Variants in GLI3 observed in about 807,000 individuals in gnomAD.
GLI3 encodes the protein GLI family zinc finger 3.
GLI3 carries 20 observed loss-of-function variants against 100.8 expected under a neutral mutation model. That is an observed-to-expected ratio of 0.20 (90% CI 0.14 to 0.29). The LOEUF is 0.29. GLI3 is among the 10% of genes least tolerant of loss of function. The probability of loss-of-function intolerance (pLI) is 1.00; values close to 1 mark genes in which losing one functional copy is unlikely to be tolerated. For missense variants in GLI3, 2,040 were observed against 2,128.5 expected, an observed-to-expected ratio of 0.96 and a Z score of 0.82; for synonymous variants, 938 against 860.5, an observed-to-expected ratio of 1.09 and a Z score of -1.58.
rs1391634307 is a variant in GLI3, at chr7:41,961,299, A to C, written c.*3031T>G. 1 of 152,590 alleles carries C rather than the reference A, an allele frequency of 6.6e-6. No homozygotes were observed. The highest frequency in any genetic ancestry group is 1.5e-5 in the Non-Finnish European group (1 of 68,046). The allele number at this position is 152,590 out of a possible 1,614,324, so 9.5% of individuals were successfully genotyped here. On this transcript the variant is annotated 3_prime_UTR_variant, in exon 15 of 15. Transcript: ENST00000395925. Reference sequence around the variant, plus strand: ...CACAAGGGTAACTTGTCAGAAGAGAACATCCTCCTATCAGTTCAAAACAAC... The same window carrying C: ...CACAAGGGTAACTTGTCAGAAGAGACCATCCTCCTATCAGTTCAAAACAAC...
chr7:42,231,519 A>G (rs1362517790), intron 1 of GLI3, among the ~76,000 whole-genome samples: 1 of 152,134 alleles, frequency 6.6e-6, no homozygotes, highest in African/African-American at 2.4e-5. Context: ...CACCCTCTCA[A>G]TGAAACTCTC....
At position 41,978,729 on chromosome 7, in the gene GLI3, A is replaced by G. The variant is rs1398132931; in HGVS notation, c.1517T>C (p.Ile506Thr). Reference protein sequence around the residue: ...QLVHHINNDHIHGEKKEFVCR... With the variant: ...QLVHHINNDHTHGEKKEFVCR... ...CACGAACTCCTTCTTCTCTCCATGA[A>G]TATGGTCGTTATTTATATGCTGGGG... Residue 506 changes from isoleucine to threonine, a missense_variant, in exon 11 of 15, where the codon ATT becomes ACT. Transcript: ENST00000395925. The G allele has an allele frequency of 1.1e-5, 18 of 1,613,968 alleles. No individual in the cohort carries two copies. Among genetic ancestry groups the G allele is most frequent in the Non-Finnish European group, 1.4e-5 (17 of 1,179,808 alleles).
intron 3 of GLI3, among the ~76,000 whole-genome samples, chr7:42,087,330 G>C (rs1785123520): frequency 6.6e-6 from 1 of 152,112 alleles, no homozygotes. Flanking sequence ...GTGAGCCCAG[G>C]GCCAAGGCCC....
intron 3 of GLI3, among the ~76,000 whole-genome samples, chr7:42,095,896 C>G (rs3779146): frequency 0.3 from 44,915 of 151,730 alleles, 6,770 homozygotes; most frequent in Middle Eastern, 0.4. Context: ...AGGGAAGGTA[C>G]AGGAAGAGGA....
At chr7:42,203,125 T>A (rs376687143) in intron 2 of GLI3, among the ~76,000 whole-genome samples, 4 of 152,206 alleles carry the variant, frequency 2.6e-5, no homozygotes, top group Non-Finnish European at 5.9e-5. Context: ...ACAGAAAAAA[T>A]TGTGTGTATT....
intron 3 of GLI3, among the ~76,000 whole-genome samples, chr7:42,094,270 G>A (rs1431713555): frequency 1.3e-5 from 2 of 152,170 alleles, no homozygotes; most frequent in South Asian, 4.1e-4. Flanking sequence ...AACACCTCAG[G>A]ATTCAGTAAG....
rs1174898449 is a variant in GLI3, at chr7:42,139,317, G to T, written c.367+8909C>A. Among the ~76,000 whole-genome samples, 3 of 152,104 alleles carry T rather than the reference G, an allele frequency of 2.0e-5. No individual in the cohort carries two copies. The East Asian group carries it at 5.8e-4, about 29-fold the overall frequency. On this transcript the variant is annotated intron_variant, in intron 3 of 14. Coordinates refer to ENST00000395925, the MANE Select transcript of GLI3 (RefSeq NM_000168.6). ...TGATCAAGATATTGTGGTGATTGGG[G>T]TTACCTATTACAGAGCAGCTCAGCA...
intron 2 of GLI3, among the ~76,000 whole-genome samples, chr7:42,199,685 G>A (rs1203919842): frequency 6.6e-6 from 1 of 152,188 alleles, no homozygotes; most frequent in African/African-American, 2.4e-5. Context: ...TTGAGGGCAG[G>A]AGCCATGTCC....
Position 42,049,706 on chromosome 7 carries a change from GAATGGCCAGTC to G in GLI3, c.474-1021_474-1011del, listed in dbSNP as rs1784315071. ...CCACACCCTGAGACAGCCACTTCTAGAATGGCCAGTCTGCATAACCTCCTGGACCACCAAGT... is the reference window on the plus strand; with the variant it reads ...CCACACCCTGAGACAGCCACTTCTAGTGCATAACCTCCTGGACCACCAAGT... On this transcript the variant is annotated intron_variant, in intron 4 of 14. Transcript: ENST00000395925. Among the ~76,000 whole-genome samples, 3 of 152,184 alleles carry G rather than the reference GAATGGCCAGTC, an allele frequency of 2.0e-5. No individual in the cohort carries two copies. The South Asian group carries it at 6.2e-4, about 32-fold the overall frequency.
chr7:41,981,907 C>T (rs1223345301), intron 10 of GLI3, among the ~76,000 whole-genome samples: 1 of 152,154 alleles, frequency 6.6e-6, no homozygotes, highest in Non-Finnish European at 1.5e-5. Context: ...CTACCTTTGC[C>T]ACTGAGACAA....
Position 41,966,978 on chromosome 7 carries a change from G to C in GLI3, c.2432-337C>G, listed in dbSNP as rs1478750854. Among the ~76,000 whole-genome samples the C allele has an allele frequency of 2.0e-5, 3 of 152,216 alleles. No homozygotes were observed. The highest frequency in any genetic ancestry group is 3.9e-4 in the East Asian group (2 of 5,194). On this transcript the variant is annotated intron_variant, in intron 14 of 14. Coordinates refer to ENST00000395925, the MANE Select transcript of GLI3 (RefSeq NM_000168.6). The surrounding 1 kb of genome is among the most constrained non-coding windows in gnomAD (Gnocchi z 5.8). ...TCACTGAAGCCCCTCCCCAAGCGCT[G>C]TGCAAGGACAAAAAGAATCTTGTGA...
At chr7:41,976,594 T>C (rs1166804741) in intron 12 of GLI3, among the ~76,000 whole-genome samples, 1 of 152,182 alleles carries the variant, frequency 6.6e-6, no homozygotes, top group Non-Finnish European at 1.5e-5. Flanking sequence ...TGAGATGAAA[T>C]GACAGCCACT....
At chr7:42,164,722 C>T (rs1583613535) in intron 2 of GLI3, among the ~76,000 whole-genome samples, 2 of 151,004 alleles carry the variant, frequency 1.3e-5, no homozygotes, top group Admixed American at 6.6e-5. Flanking sequence ...CCCAGCTATT[C>T]GGGAGGCTGA....
chr7:41,975,431 G>T (rs555690695), intron 12 of GLI3, among the ~76,000 whole-genome samples: 1 of 152,196 alleles, frequency 6.6e-6, no homozygotes, highest in African/African-American at 2.4e-5. Flanking sequence ...GTCTGAAAAT[G>T]TCCATCAGTC....
chr7:42,020,323 C>G (rs917377328), intron 10 of GLI3, among the ~76,000 whole-genome samples: 1 of 152,184 alleles, frequency 6.6e-6, no homozygotes, highest in Non-Finnish European at 1.5e-5. Context: ...TGCAGCTCAA[C>G]GACTGAACCA....
At chr7:42,117,619 T>C (rs1324015789) in intron 3 of GLI3, among the ~76,000 whole-genome samples, 1 of 152,178 alleles carries the variant, frequency 6.6e-6, no homozygotes, top group Non-Finnish European at 1.5e-5. Context: ...AGGCCAGGAC[T>C]CGTTAGTGAA....
At chr7:42,019,425 A>C (rs1788871426) in intron 10 of GLI3, among the ~76,000 whole-genome samples, 1 of 152,224 alleles carries the variant, frequency 6.6e-6, no homozygotes, top group African/African-American at 2.4e-5. Flanking sequence ...CAAAATTAAA[A>C]CATGAGGGAA....
At chr7:42,142,934 CAAAAAAA>C (rs11287528) in intron 3 of GLI3, among the ~76,000 whole-genome samples, 1 of 76,922 alleles carries the variant, frequency 1.3e-5, no homozygotes, top group Non-Finnish European at 2.4e-5. Context: ...ACTCTGTCTC[CAAAAAAA>C]AAAAAAAAAA....
chr7:42,190,963 C>CT (rs1229705024), intron 2 of GLI3, among the ~76,000 whole-genome samples: 3 of 151,840 alleles, frequency 2.0e-5, no homozygotes, highest in Non-Finnish European at 4.4e-5. Context: ...AAATTTAATA[C>CT]TTTTTTTAAA....
Sources: allele counts gnomAD v4.1 joint callset (sites outside exome capture counted in the v4.1 genomes callset), GRCh38; gene constraint gnomAD v4.1.1; non-coding constraint Gnocchi (gnomAD v3.1); transcripts MANE v1.5; gene names NCBI Gene and HGNC (gene_info 2026-07-23, HGNC 2026-07-21).